The following CTTNBP2 variants were observed in gnomAD, a reference collection of about 807,000 sequenced individuals.
The protein encoded by CTTNBP2 is cortactin-binding protein 2.
CTTNBP2 carries 108 observed loss-of-function variants against 156.9 expected under a neutral mutation model. The observed-to-expected ratio is 0.69, with a 90% CI of 0.59 to 0.81. CTTNBP2 has a LOEUF of 0.81. Among genes scored for constraint, CTTNBP2 ranks in the 30% least tolerant of loss-of-function variants. CTTNBP2 has a pLI of 0.00. For synonymous variants in CTTNBP2, 767 were observed against 751.8 expected, an observed-to-expected ratio of 1.02 and a Z score of -0.33; for missense variants, 1,924 against 2,035.4, an observed-to-expected ratio of 0.95 and a Z score of 1.05.
intron 14 of CTTNBP2, among the ~76,000 whole-genome samples, chr7:117,741,213 G>A (rs1488164397): frequency 1.3e-5 from 2 of 152,128 alleles, no homozygotes; most frequent in Non-Finnish European, 2.9e-5. Flanking sequence ...ATGGGGGAAT[G>A]GAGAGCAGGA....
intron 8 of CTTNBP2, among the ~76,000 whole-genome samples, chr7:117,771,116 G>A (rs1452618258): frequency 6.6e-6 from 1 of 152,142 alleles, no homozygotes; most frequent in Non-Finnish European, 1.5e-5. Context: ...AGCTGAAACA[G>A]AGGGATCCGT....
chr7:117,823,592 TCA>T lies in CTTNBP2; in HGVS notation c.190-12605_190-12604del, dbSNP rs1801102852. On this transcript the variant is annotated intron_variant, in intron 2 of 22. Coordinates refer to ENST00000160373, the MANE Select transcript of CTTNBP2 (RefSeq NM_033427.3). ...ATCACCTGCATAACTCCACAAACATTCAGAGTCAGGTCAACACTCAATGGCAA... is the reference window on the plus strand; with the variant it reads ...ATCACCTGCATAACTCCACAAACATTGAGTCAGGTCAACACTCAATGGCAA... Among the ~76,000 whole-genome samples, 5 of 152,206 alleles carry T rather than the reference TCA, an allele frequency of 3.3e-5. No homozygotes were observed. In the South Asian group the frequency reaches 1.0e-3, roughly 31 times the overall value.
intron 2 of CTTNBP2, among the ~76,000 whole-genome samples, chr7:117,847,904 C>A (rs898646003): frequency 2.1e-5 from 3 of 145,314 alleles, no homozygotes; most frequent in Admixed American, 7.2e-5. Context: ...CAGCAATCTC[C>A]GCCTCCCAGG....
rs35239561 is a variant in CTTNBP2, at chr7:117,735,378, G to T, written c.3579C>A (p.Ile1193=). 2,230 of 1,613,200 alleles carry T rather than the reference G, an allele frequency of 1.4e-3. 26 individuals carry two copies. The African/African-American group carries it at 0.025, about 18-fold the overall frequency. The change falls in exon 15 of 23, where the codon ATC becomes ATA. Residue 1193 remains isoleucine (I), a synonymous_variant. Coordinates refer to ENST00000160373, the MANE Select transcript of CTTNBP2 (RefSeq NM_033427.3). ...PVKQSPSKKK[I]IIILENLEKS... ...TTTCTAAATTTTCTAAAATGATGAT[G>T]ATTTTCTTCTTACTGGGAGATTGTT...
chr7:117,796,270 C>A (rs1320729955), intron 3 of CTTNBP2, among the ~76,000 whole-genome samples: 1 of 152,156 alleles, frequency 6.6e-6, no homozygotes, highest in African/African-American at 2.4e-5. Context: ...TATTAAACAC[C>A]TTTTTCTCTA....
chr7:117,756,668 T>C (rs1022439447), intron 11 of CTTNBP2, 34 bp from the exon 12 acceptor site: 7 of 1,328,382 alleles, frequency 5.3e-6, no homozygotes, highest in Non-Finnish European at 7.6e-6. Context: ...AAAATGGGTG[T>C]TCCCTTGTTA....
chr7:117,758,705 C>T (rs1797022161), intron 10 of CTTNBP2, among the ~76,000 whole-genome samples: 1 of 152,184 alleles, frequency 6.6e-6, no homozygotes, highest in Admixed American at 6.5e-5. Flanking sequence ...CACTTACATA[C>T]ACACAATAAT....
At chr7:117,754,091 G>T (rs1269748305) in intron 12 of CTTNBP2, among the ~76,000 whole-genome samples, 3 of 152,078 alleles carry the variant, frequency 2.0e-5, no homozygotes, top group African/African-American at 7.2e-5. Context: ...CAAAGTTTTT[G>T]CCATATTCCT....
At chr7:117,762,898 A>G (rs965587009) in intron 9 of CTTNBP2, among the ~76,000 whole-genome samples, 2 of 152,122 alleles carry the variant, frequency 1.3e-5, no homozygotes, top group African/African-American at 4.8e-5. Flanking sequence ...CTCAGACACA[A>G]CAGGAATGCT....
chr7:117,871,077 A>G (rs1804562956), intron 1 of CTTNBP2, among the ~76,000 whole-genome samples: 1 of 152,246 alleles, frequency 6.6e-6, no homozygotes, highest in African/African-American at 2.4e-5. Flanking sequence ...ATAAAAATGC[A>G]CGATATGTAA....
intron 4 of CTTNBP2, among the ~76,000 whole-genome samples, chr7:117,788,009 G>A (rs913600794): frequency 1.3e-5 from 2 of 152,038 alleles, no homozygotes; most frequent in African/African-American, 2.4e-5. Context: ...TGGTCTCACC[G>A]TGTCACCCAG....
intron 6 of CTTNBP2, among the ~76,000 whole-genome samples, chr7:117,781,469 G>A (rs531386713): frequency 5.3e-5 from 8 of 152,154 alleles, no homozygotes; most frequent in East Asian, 3.9e-4. Flanking sequence ...AGCCTGGCAC[G>A]GTGGCTCACA....
At chr7:117,752,699 C>G (rs375822691) in intron 12 of CTTNBP2, among the ~76,000 whole-genome samples, 2 of 152,118 alleles carry the variant, frequency 1.3e-5, no homozygotes, top group African/African-American at 4.8e-5. Flanking sequence ...AATCAATAGG[C>G]TAATAACCTA....
intron 14 of CTTNBP2, among the ~76,000 whole-genome samples, chr7:117,744,773 TG>T (rs1210196813): frequency 3.3e-5 from 5 of 152,238 alleles, no homozygotes; most frequent in Middle Eastern, 6.8e-3. Flanking sequence ...GGGGCGTGCC[TG>T]TAGTCCTACC....
chr7:117,759,616 C>G (rs1797077273), intron 10 of CTTNBP2, among the ~76,000 whole-genome samples: 1 of 152,174 alleles, frequency 6.6e-6, no homozygotes, highest in Non-Finnish European at 1.5e-5. Context: ...CCTTTCTTTT[C>G]CAATACGGTG....
At chr7:117,745,202 G>A (rs1393830413) in intron 14 of CTTNBP2, among the ~76,000 whole-genome samples, 1 of 152,138 alleles carries the variant, frequency 6.6e-6, no homozygotes, top group East Asian at 1.9e-4. Context: ...TTTAATCCCG[G>A]TGCTGCTACT....
intron 2 of CTTNBP2, among the ~76,000 whole-genome samples, chr7:117,812,145 C>T (rs1383379542): frequency 1.3e-5 from 2 of 151,894 alleles, no homozygotes; most frequent in East Asian, 3.9e-4. Flanking sequence ...TAATTTCACA[C>T]CCACGCAATG....
chr7:117,817,139 C>T (rs1360563320), intron 2 of CTTNBP2, among the ~76,000 whole-genome samples: 1 of 150,796 alleles, frequency 6.6e-6, no homozygotes, highest in Non-Finnish European at 1.5e-5. Flanking sequence ...AGATCCAGAC[C>T]ATCCTGGCTA....
intron 14 of CTTNBP2, 29 bp from the exon 15 acceptor site, chr7:117,735,450 C>A: frequency 1.9e-6 from 3 of 1,572,838 alleles, no homozygotes; most frequent in South Asian, 1.2e-5. Context: ...TTCAGTGATT[C>A]AAGCTTTTGA....
Sources: allele counts gnomAD v4.1 joint callset (sites outside exome capture counted in the v4.1 genomes callset), GRCh38; gene constraint gnomAD v4.1.1; transcripts MANE v1.5; gene names NCBI Gene and HGNC (gene_info 2026-07-23, HGNC 2026-07-21).